The following TNNI3K variants were observed in gnomAD, a reference collection of about 807,000 sequenced individuals.
TNNI3K encodes TNNI3 interacting kinase.
In TNNI3K, 140 loss-of-function variants were observed where a neutral mutation model predicts 114.5. The observed-to-expected ratio is 1.22, with a 90% confidence interval of 1.07 to 1.41. The LOEUF is 1.41. Ranked by LOEUF, TNNI3K falls within the 40% of genes most tolerant of loss-of-function variation. TNNI3K has a pLI of 0.00. For missense variants in TNNI3K, 1,125 were observed against 1,007.6 expected, an observed-to-expected ratio of 1.12 and a Z score of -1.58; for synonymous variants, 347 against 347.5, an observed-to-expected ratio of 1.00 and a Z score of 0.02.
intron 11 of TNNI3K, among the ~76,000 whole-genome samples, chr1:74,355,388 A>C (rs2100484474): frequency 6.6e-6 from 1 of 152,112 alleles, no homozygotes; most frequent in Admixed American, 6.5e-5. Context: ...GGCAGATCAC[A>C]AGGTCAGGAG....
At chr1:74,542,849 G>A (rs1450909958) in intron 24 of TNNI3K, among the ~76,000 whole-genome samples, 1 of 152,098 alleles carries the variant, frequency 6.6e-6, no homozygotes, top group Non-Finnish European at 1.5e-5. Flanking sequence ...ATAGCTCTGT[G>A]GTTCTCTTGG....
intron 9 of TNNI3K, among the ~76,000 whole-genome samples, chr1:74,347,413 G>A (rs369921297): frequency 6.6e-6 from 1 of 151,894 alleles, no homozygotes; most frequent in East Asian, 1.9e-4. Flanking sequence ...TTGGACATTT[G>A]GGTTGGTTCC....
chr1:74,296,998 C>A (rs1281531498), intron 5 of TNNI3K, among the ~76,000 whole-genome samples: 2 of 152,056 alleles, frequency 1.3e-5, no homozygotes, highest in African/African-American at 2.4e-5. Flanking sequence ...GGCATTTCTT[C>A]ATTTCTTCAT....
At chr1:74,340,841 A>C (rs929055479) in intron 7 of TNNI3K, among the ~76,000 whole-genome samples, 1 of 152,158 alleles carries the variant, frequency 6.6e-6, no homozygotes, top group Non-Finnish European at 1.5e-5. Context: ...ACAAAGGAAA[A>C]GCTTTTTTAA....
At chr1:74,307,877 C>T (rs975294384) in intron 5 of TNNI3K, among the ~76,000 whole-genome samples, 1 of 152,096 alleles carries the variant, frequency 6.6e-6, no homozygotes, top group Non-Finnish European at 1.5e-5. Context: ...GCCGGAGAAT[C>T]ACTTGAACCT....
rs187951955 is a variant in TNNI3K, at chr1:74,339,385, A to G, written c.682+3236A>G. On this transcript the variant is annotated intron_variant, in intron 7 of 24. Transcript: ENST00000326637. ...CCAATTGCAAAAAATAAACCAGAAG[A>G]TCTGCTATGCCAATGGACACTGTGC... 6.3e-4 allele frequency among the ~76,000 whole-genome samples: 96 copies of G among 152,234 alleles called. No homozygotes were observed. The Middle Eastern group carries it at 0.014, about 22-fold the overall frequency.
chr1:74,259,895 T>C (rs553679833), intron 4 of TNNI3K, among the ~76,000 whole-genome samples: 18 of 152,290 alleles, frequency 1.2e-4, no homozygotes, highest in African/African-American at 4.1e-4. Context: ...GCACCTAAAA[T>C]TAAGCATCAC....
chr1:74,236,753 TAAC>T (rs780634040), intron 2 of TNNI3K, among the ~76,000 whole-genome samples: 1 of 151,832 alleles, frequency 6.6e-6, no homozygotes, highest in Non-Finnish European at 1.5e-5. Context: ...TGTTCCATGA[TAAC>T]AAGAGAAAAA....
chr1:74,345,805 C>G (rs1250947051), intron 9 of TNNI3K: 1 of 152,130 alleles, frequency 6.6e-6, no homozygotes, highest in East Asian at 1.9e-4. Flanking sequence ...AATTACTAAT[C>G]AAAAAGTTAA....
At chr1:74,327,817 T>C (rs1659992988) in intron 5 of TNNI3K, among the ~76,000 whole-genome samples, 1 of 150,320 alleles carries the variant, frequency 6.7e-6, no homozygotes, top group Non-Finnish European at 1.5e-5. Context: ...TGTTTAAAGA[T>C]TTATATCCTT....
At chr1:74,497,895 A>G (rs1414549681) in intron 23 of TNNI3K, among the ~76,000 whole-genome samples, 1 of 152,172 alleles carries the variant, frequency 6.6e-6, no homozygotes, top group Non-Finnish European at 1.5e-5. Context: ...CGTTTTCATC[A>G]TACGTTCCAG....
chr1:74,239,959 A>G (rs1267631580), intron 2 of TNNI3K: 2 of 470,354 alleles, frequency 4.3e-6, no homozygotes, highest in East Asian at 6.9e-5. Context: ...TGTTTAGGTA[A>G]TGGATTGGTG....
intron 17 of TNNI3K, among the ~76,000 whole-genome samples, chr1:74,424,721 A>C (rs1037620910): frequency 6.6e-6 from 1 of 150,702 alleles, no homozygotes; most frequent in Non-Finnish European, 1.5e-5. Flanking sequence ...TCCATCTCAA[A>C]AAAAAAAAAA....
intron 4 of TNNI3K, among the ~76,000 whole-genome samples, chr1:74,265,043 G>A (rs1457379255): frequency 6.6e-6 from 1 of 151,836 alleles, no homozygotes; most frequent in Non-Finnish European, 1.5e-5. Context: ...TGGTGGGGAG[G>A]GAGAAATAAC....
intron 2 of TNNI3K, among the ~76,000 whole-genome samples, chr1:74,246,609 G>GGA (rs1403853468): frequency 6.6e-6 from 1 of 152,112 alleles, no homozygotes; most frequent in Non-Finnish European, 1.5e-5. Context: ...GACTGGGGGA[G>GGA]GAGAGAGAGG....
chr1:74,363,166 T>G (rs954731407), intron 11 of TNNI3K, among the ~76,000 whole-genome samples: 3 of 152,110 alleles, frequency 2.0e-5, no homozygotes, highest in African/African-American at 7.2e-5. Context: ...GTGAGCTCCA[T>G]TAAGGTTTAT....
chr1:74,264,203 T>C (rs773354344), intron 4 of TNNI3K, among the ~76,000 whole-genome samples: 8 of 151,662 alleles, frequency 5.3e-5, no homozygotes. Context: ...GTCAAGTATT[T>C]CCACCACACT....
intron 19 of TNNI3K, chr1:74,439,236 A>G (rs1666267675): frequency 2.8e-6 from 1 of 352,360 alleles, no homozygotes; most frequent in South Asian, 1.1e-4. Context: ...TTTTAGGAAG[A>G]ATTATGAACT....
chr1:74,299,926 CT>C (rs1658216704), intron 5 of TNNI3K, among the ~76,000 whole-genome samples: 1 of 152,144 alleles, frequency 6.6e-6, no homozygotes, highest in African/African-American at 2.4e-5. Flanking sequence ...CAAATACATA[CT>C]GTTAAAGATG....
Sources: gnomAD v4.1 joint callset for allele counts (sites outside exome capture counted in the v4.1 genomes callset) on GRCh38, gnomAD v4.1.1 for gene constraint, MANE v1.5 for transcripts, NCBI Gene and HGNC (gene_info 2026-07-23, HGNC 2026-07-21) for gene names.